Variants in CPA4 observed in about 807,000 individuals in gnomAD.
CPA4 encodes carboxypeptidase A4.
CPA4 carries 49 observed loss-of-function variants against 54.7 expected under a neutral mutation model. The ratio of observed to expected loss-of-function variants is 0.90; its 90% CI spans 0.71 to 1.14. The LOEUF (loss-of-function observed/expected upper bound fraction) is 1.14, where lower values mean the gene tolerates loss of function less well. Among genes scored for constraint, CPA4 ranks in the 50% most tolerant of loss-of-function variants. The probability of loss-of-function intolerance (pLI) is 0.00; values close to 1 mark genes in which losing one functional copy is unlikely to be tolerated. For missense variants in CPA4, 487 were observed against 525.1 expected, an observed-to-expected ratio of 0.93 and a Z score of 0.71; for synonymous variants, 215 against 206.8, an observed-to-expected ratio of 1.04 and a Z score of -0.34.
rs540027489 is a variant in CPA4 at position 130,310,560 on chromosome 7, G to A, written c.794-227G>A. Among the ~76,000 whole-genome samples, 12 of 152,298 alleles carry A rather than the reference G, an allele frequency of 7.9e-5. No individual in the cohort carries two copies. In the East Asian group the frequency reaches 1.7e-3, roughly 22 times the overall value. On this transcript the variant is annotated intron_variant, in intron 8 of 10. Coordinates refer to ENST00000222482, the MANE Select transcript of CPA4 (RefSeq NM_016352.4). The surrounding 1 kb of genome is among the most constrained non-coding windows in gnomAD (Gnocchi z 4.3). ...GACAACTGCTATTGGTACAAGGCAA[G>A]GTCAACTCCAACAGTTTTTCTCCTC... is the stretch of plus-strand genomic sequence containing the variant.
intron 10 of CPA4, 96 bp downstream of exon 10, chr7:130,312,218 A>T: frequency 2.3e-6 from 2 of 878,210 alleles, no homozygotes; most frequent in Non-Finnish European, 1.9e-6. Flanking sequence ...CTTACTTGTC[A>T]TCTGATTGTT....
chr7:130,307,748 C>T (rs1448005720), intron 7 of CPA4, among the ~76,000 whole-genome samples: 1 of 152,134 alleles, frequency 6.6e-6, no homozygotes, highest in East Asian at 1.9e-4. Flanking sequence ...TACAGCAGCT[C>T]CCACACACAC....
At chr7:130,300,657 A>G (rs919151450) in intron 3 of CPA4, among the ~76,000 whole-genome samples, 159 bp from the exon 4 acceptor site, 1 of 152,134 alleles carries the variant, frequency 6.6e-6, no homozygotes, top group Non-Finnish European at 1.5e-5. Flanking sequence ...TTATAAAGAT[A>G]TGAAAGAAAT....
intron 10 of CPA4, among the ~76,000 whole-genome samples, chr7:130,319,623 A>G (rs1217965199): frequency 6.6e-6 from 1 of 152,210 alleles, no homozygotes; most frequent in Non-Finnish European, 1.5e-5. Context: ...ACCCTTTTTC[A>G]TACAGGAGGG....
rs766038788 is a variant in CPA4, at chr7:130,310,857, G to A, written c.864G>A (p.Val288=). 5.6e-6 allele frequency: 9 copies of A among 1,614,222 alleles called. No individual in the cohort carries two copies. Among genetic ancestry groups the A allele is most frequent in the Non-Finnish European group, 7.6e-6 (9 of 1,180,020 alleles). The change falls in exon 9 of 11, where the codon GTG becomes GTA. Residue 288 remains valine (V), a synonymous_variant. Coordinates refer to ENST00000222482, the MANE Select transcript of CPA4 (RefSeq NM_016352.4). This position sits in a 1 kb window ranked among gnomAD's most constrained non-coding sequence, Gnocchi z 4.3. ...CCCACGCCAATTCGGAAGTGGAGGT[G>A]AAATCAGTGGTAGATTTCATCCAAA... is the stretch of plus-strand genomic sequence containing the variant. ...HGPHANSEVE[V]KSVVDFIQKH...
At chr7:130,321,378 A>AG in intron 10 of CPA4, among the ~76,000 whole-genome samples, 1 of 152,142 alleles carries the variant, frequency 6.6e-6, no homozygotes, top group East Asian at 1.9e-4. Context: ...GTTAAAAAAA[A>AG]AAATCCTAAA....
In CPA4 at chr7:130,322,628, G is replaced by A; in HGVS notation, c.1218G>A (p.Trp406Ter). Residue 406 changes from tryptophan (W) to a stop codon, truncating the protein, a stop_gained, in exon 11 of 11, where the codon TGG becomes TGA. Transcript: ENST00000222482. LOFTEE classifies it high-confidence loss of function. ...TCATCCCCACTGCAGAGGAGACGTG[G>A]CTGGGGCTGAAGACCATCATGGAGC... ...NQIIPTAEET[W>*]LGLKTIMEHV... 6.2e-7 allele frequency: 1 copy of A among 1,614,228 alleles called. No individual in the cohort carries two copies. Among genetic ancestry groups the A allele is most frequent in the Non-Finnish European group, 8.5e-7 (1 of 1,180,036 alleles).
At chr7:130,318,941 C>T (rs1794037867) in intron 10 of CPA4, among the ~76,000 whole-genome samples, 2 of 152,214 alleles carry the variant, frequency 1.3e-5, no homozygotes, top group African/African-American at 4.8e-5. Context: ...TTACACTCTT[C>T]TGCCTTCTAA....
chr7:130,295,309 C>A (rs1220874890), intron 1 of CPA4, among the ~76,000 whole-genome samples: 3 of 152,202 alleles, frequency 2.0e-5, no homozygotes, highest in African/African-American at 7.2e-5. Context: ...AAAGCACAGA[C>A]TCCTGTGAGG....
chr7:130,318,641 C>A (rs1014947723), intron 10 of CPA4, among the ~76,000 whole-genome samples: 4 of 152,060 alleles, frequency 2.6e-5, no homozygotes, highest in Non-Finnish European at 2.9e-5. Context: ...GAGCTCCCGA[C>A]CTCAGGTGAT....
intron 1 of CPA4, among the ~76,000 whole-genome samples, chr7:130,294,454 A>G (rs1035946879): frequency 1.3e-5 from 2 of 152,212 alleles, no homozygotes; most frequent in Admixed American, 6.5e-5. Flanking sequence ...GCAGGTGGCC[A>G]GGGAAGATTT....
chr7:130,300,920 T>A lies in CPA4; in HGVS notation c.384+6T>A. The stretch of plus-strand genomic sequence containing the variant: ...CTTACCATTCCCTGGAAGCTGTAAG[T>A]GTTTCAGAGTGGGTTAAGATCAAGG... On this transcript the variant is annotated splice_donor_region_variant and intron_variant, in intron 4 of 10. Coordinates refer to ENST00000222482, the MANE Select transcript of CPA4 (RefSeq NM_016352.4). The A allele has an allele frequency of 1.3e-6, 2 of 1,582,762 alleles. No homozygotes were observed. Among genetic ancestry groups the A allele is most frequent in the South Asian group, 1.1e-5 (1 of 90,384 alleles).
chr7:130,302,207 C>T (rs549156985), intron 4 of CPA4, among the ~76,000 whole-genome samples: 34 of 152,316 alleles, frequency 2.2e-4, no homozygotes, highest in Admixed American at 1.8e-3. Flanking sequence ...GTATTCTAGG[C>T]TGGGCATGGT....
rs369325885 is a variant in CPA4, at chr7:130,296,679, C to CTTTTTTTT, written c.69-2049_69-2042dup. 5.0e-3 allele frequency among the ~76,000 whole-genome samples: 367 copies of CTTTTTTTT among 72,982 alleles called. 34 individuals carry two copies. The highest frequency in any genetic ancestry group is 6.2e-3 in the Admixed American group (27 of 4,334). 47.9% of individuals were successfully genotyped at this position (72,982 alleles called of 152,430 possible). A position where few individuals can be genotyped will look rare whatever the true frequency, so the allele number is the denominator to read the frequency against. On this transcript the variant is annotated intron_variant, in intron 1 of 10. Transcript: ENST00000222482. ...AAGATCTTTCTAGCAGCTCCCCTCA[C>CTTTTTTTT]TTTTTTTTTTTTTTTTTTTTTTTTT... is the stretch of plus-strand genomic sequence containing the variant.
At position 130,322,963 on chromosome 7, in the gene CPA4, C is replaced by A; in HGVS notation, c.*287C>A. The A allele has an allele frequency of 6.1e-6, 2 of 326,604 alleles. No homozygotes were observed. Among genetic ancestry groups the A allele is most frequent in the Non-Finnish European group, 1.1e-5 (2 of 178,268 alleles). 20.2% of individuals were successfully genotyped at this position (326,604 alleles called of 1,614,324 possible). On this transcript the variant is annotated 3_prime_UTR_variant, in exon 11 of 11. Coordinates refer to ENST00000222482, the MANE Select transcript of CPA4 (RefSeq NM_016352.4). ...TGGGCGGCTGCACTCAGCATCACCC[C>A]TTCCTGGGTGGCATGTCTCTCTCTA... is the stretch of plus-strand genomic sequence containing the variant.
chr7:130,310,855 G>T lies in CPA4; in HGVS notation c.862G>T (p.Val288Leu). ...HGPHANSEVE[V>L]KSVVDFIQKH... ...ACCCCACGCCAATTCGGAAGTGGAG[G>T]TGAAATCAGTGGTAGATTTCATCCA... The change falls in exon 9 of 11, where the codon GTG becomes TTG. Residue 288 changes from valine (V) to leucine (L), a missense_variant. Val to Leu is a conservative substitution (Grantham distance 32). Coordinates refer to ENST00000222482, the MANE Select transcript of CPA4 (RefSeq NM_016352.4). The surrounding 1 kb of genome is among the most constrained non-coding windows in gnomAD (Gnocchi z 4.3). The T allele has an allele frequency of 1.2e-6, 2 of 1,614,092 alleles. No individual in the cohort carries two copies. The highest frequency in any genetic ancestry group is 1.7e-6 in the Non-Finnish European group (2 of 1,179,910).
At position 130,322,851 on chromosome 7, in the gene CPA4, G is replaced by A; in HGVS notation, c.*175G>A. On this transcript the variant is annotated 3_prime_UTR_variant, in exon 11 of 11. Coordinates refer to ENST00000222482, the MANE Select transcript of CPA4 (RefSeq NM_016352.4). ...AGTCGTGTGTCCTGGCAGTGTCCCT[G>A]CAAGAACTGGTTCTGCCAGCCTGCT... 1.9e-6 allele frequency: 1 copy of A among 533,130 alleles called. No homozygotes were observed. Among genetic ancestry groups the A allele is most frequent in the Non-Finnish European group, 3.2e-6 (1 of 313,668 alleles). 33.0% of individuals were successfully genotyped at this position (533,130 alleles called of 1,614,324 possible). A position where few individuals can be genotyped will look rare whatever the true frequency, so the allele number is the denominator to read the frequency against.
At chr7:130,320,239 T>C (rs964546352) in intron 10 of CPA4, among the ~76,000 whole-genome samples, 5 of 152,332 alleles carry the variant, frequency 3.3e-5, no homozygotes, top group African/African-American at 9.6e-5. Context: ...CAGAACAGCG[T>C]TAATAGTGTG....
intron 2 of CPA4, 133 bp from the exon 3 acceptor site, chr7:130,299,137 C>T: frequency 1.1e-6 from 1 of 949,936 alleles, no homozygotes; most frequent in East Asian, 2.4e-5. Flanking sequence ...GTGAAATGGG[C>T]AAACTTTGCC....
Sources: allele counts gnomAD v4.1 joint callset (sites outside exome capture counted in the v4.1 genomes callset), GRCh38; gene constraint gnomAD v4.1.1; non-coding constraint Gnocchi (gnomAD v3.1); transcripts MANE v1.5; gene names NCBI Gene and HGNC (gene_info 2026-07-23, HGNC 2026-07-21).